Variants in CDH12 observed in about 807,000 individuals in gnomAD.
The protein encoded by CDH12 is cadherin-12.
Under a neutral mutation model 74.1 loss-of-function variants are expected in CDH12, and 41 were observed. That is an observed-to-expected ratio of 0.55 (90% confidence interval 0.43 to 0.72). CDH12 has a LOEUF of 0.72. CDH12 is among the 30% of genes least tolerant of loss of function. CDH12 has a pLI of 0.00. For missense variants in CDH12, 945 were observed against 977.2 expected (o/e 0.97, Z 0.44); for synonymous variants, 399 against 355.0 (o/e 1.12, Z -1.39).
rs145277092 is a variant in CDH12, at chr5:22,349,524, C to A, written c.-333+55733G>T. ...ATAATACTTACTCATAATTTTAATC[C>A]CCTCTTTCCCAATTCGGAATAACAT... On this transcript the variant is annotated intron_variant, in intron 3 of 14. Coordinates refer to ENST00000382254, the MANE Select transcript of CDH12 (RefSeq NM_004061.5). Among the ~76,000 whole-genome samples the A allele has an allele frequency of 3.3e-3, 495 of 151,936 alleles. 4 individuals carry two copies. Among genetic ancestry groups the A allele is most frequent in the African/African-American group, 0.011 (459 of 41,438 alleles).
chr5:22,792,662 G>A (rs1438955254), intron 1 of CDH12, among the ~76,000 whole-genome samples: 2 of 152,084 alleles, frequency 1.3e-5, no homozygotes, highest in African/African-American at 4.8e-5. Context: ...GGTAAAGTCT[G>A]GCTTTGTAAA....
chr5:22,072,723 C>T (rs989564137), intron 5 of CDH12, among the ~76,000 whole-genome samples: 8 of 151,976 alleles, frequency 5.3e-5, no homozygotes, highest in African/African-American at 9.7e-5. Flanking sequence ...TCCCTCCCCC[C>T]TCTCCCCACC....
intron 2 of CDH12, among the ~76,000 whole-genome samples, chr5:22,438,912 TAATGTC>T (rs950678372): frequency 1.1e-3 from 174 of 151,952 alleles, no homozygotes; most frequent in African/African-American, 4.0e-3. Flanking sequence ...ATCTTTAAAA[TAATGTC>T]AATGTGATAA....
intron 1 of CDH12, among the ~76,000 whole-genome samples, chr5:22,732,007 C>A (rs1406181580): frequency 6.6e-6 from 1 of 151,798 alleles, no homozygotes; most frequent in Non-Finnish European, 1.5e-5. Context: ...AAGGGTTGAA[C>A]TGTTTCTCCC....
At chr5:22,207,680 G>T (rs147380232) in intron 4 of CDH12, among the ~76,000 whole-genome samples, 8,539 of 152,164 alleles carry the variant, frequency 0.056, 267 homozygotes, top group Non-Finnish European at 0.062. Flanking sequence ...CTCTAAAATG[G>T]CTCCTAAGTT....
intron 2 of CDH12, among the ~76,000 whole-genome samples, chr5:22,463,722 T>G (rs1745612368): frequency 6.6e-6 from 1 of 152,302 alleles, no homozygotes; most frequent in Admixed American, 6.5e-5. Flanking sequence ...TTCATTAATT[T>G]ATGAAGTTAA....
chr5:22,810,281 T>C (rs1021470533), intron 1 of CDH12, among the ~76,000 whole-genome samples: 1 of 152,172 alleles, frequency 6.6e-6, no homozygotes, highest in African/African-American at 2.4e-5. Context: ...AAATCCACAC[T>C]AATTCTGAGT....
At chr5:21,864,129 A>ATGTGTG (rs56781565) in intron 6 of CDH12, among the ~76,000 whole-genome samples, 2,039 of 149,788 alleles carry the variant, frequency 0.014, 39 homozygotes, top group African/African-American at 0.046. Flanking sequence ...CAGAAAGAAT[A>ATGTGTG]TGTGTGTGTG....
chr5:21,778,756 C>A (rs371770875), intron 11 of CDH12, among the ~76,000 whole-genome samples: 1 of 151,892 alleles, frequency 6.6e-6, no homozygotes, highest in South Asian at 2.1e-4. Flanking sequence ...TTCTCCTAAC[C>A]CACAACAAAT....
In CDH12 at chr5:22,117,526, AT is replaced by A. The variant is rs1561129381; in HGVS notation, c.-186-38665del. ...AATATATATATAATATATATATAAT[AT>A]ATATATATATATATAGTGTGTGCGT... is the stretch of plus-strand genomic sequence containing the variant. On this transcript the variant is annotated intron_variant, in intron 4 of 14. Coordinates refer to ENST00000382254, the MANE Select transcript of CDH12 (RefSeq NM_004061.5). Among the ~76,000 whole-genome samples, 104 of 62,510 alleles carry A rather than the reference AT, an allele frequency of 1.7e-3. 3 individuals carry two copies. Among genetic ancestry groups the A allele is most frequent in the African/African-American group, 6.5e-3 (95 of 14,710 alleles). 41.0% of individuals were successfully genotyped at this position (62,510 alleles called of 152,430 possible). A position where few individuals can be genotyped will look rare whatever the true frequency, so the allele number is the denominator to read the frequency against.
chr5:21,939,212 C>T (rs1053548921), intron 6 of CDH12, among the ~76,000 whole-genome samples: 5 of 147,258 alleles, frequency 3.4e-5, no homozygotes, highest in Admixed American at 3.4e-4. Context: ...AAATATCATA[C>T]CTTCTATATA....
intron 3 of CDH12, among the ~76,000 whole-genome samples, chr5:22,357,553 A>G (rs1237761462): frequency 6.6e-6 from 1 of 152,178 alleles, no homozygotes; most frequent in Non-Finnish European, 1.5e-5. Context: ...CAACGTATTA[A>G]CATATTAGTC....
chr5:22,711,129 A>C (rs1020905091), intron 1 of CDH12, among the ~76,000 whole-genome samples: 7 of 152,188 alleles, frequency 4.6e-5, no homozygotes, highest in Admixed American at 4.6e-4. Flanking sequence ...CTAGAAAAAA[A>C]CAGTGAATGA....
At chr5:22,517,419 C>A (rs969807314) in intron 1 of CDH12, among the ~76,000 whole-genome samples, 1 of 152,004 alleles carries the variant, frequency 6.6e-6, no homozygotes, top group Non-Finnish European at 1.5e-5. Flanking sequence ...AAAGTTACAT[C>A]ATATTTACCT....
At chr5:22,261,724 GT>G (rs1753520254) in intron 3 of CDH12, among the ~76,000 whole-genome samples, 1 of 149,366 alleles carries the variant, frequency 6.7e-6, no homozygotes, top group Admixed American at 6.7e-5. Flanking sequence ...ATATTTAGTT[GT>G]TTTTAAATTT....
chr5:21,913,370 C>T (rs1014206208), intron 6 of CDH12, among the ~76,000 whole-genome samples: 1 of 152,016 alleles, frequency 6.6e-6, no homozygotes, highest in African/African-American at 2.4e-5. Flanking sequence ...ATTTACATTT[C>T]TTTCTTGTGA....
intron 1 of CDH12, among the ~76,000 whole-genome samples, chr5:22,787,160 C>A (rs989109318): frequency 6.6e-6 from 1 of 150,948 alleles, no homozygotes; most frequent in Non-Finnish European, 1.5e-5. Context: ...ACACACACAC[C>A]CCACAGCCAA....
chr5:22,655,085 G>A (rs556231491), intron 1 of CDH12, among the ~76,000 whole-genome samples: 1 of 152,220 alleles, frequency 6.6e-6, no homozygotes, highest in East Asian at 1.9e-4. Context: ...TTTATTTACT[G>A]GAACTTCCAT....
At chr5:22,473,978 T>G (rs1178129118) in intron 2 of CDH12, among the ~76,000 whole-genome samples, 3 of 152,132 alleles carry the variant, frequency 2.0e-5, no homozygotes, top group Non-Finnish European at 2.9e-5. Context: ...CCCAATGTGA[T>G]ACAACCATTA....
Sources: gnomAD v4.1 joint callset for allele counts (sites outside exome capture counted in the v4.1 genomes callset) on GRCh38, gnomAD v4.1.1 for gene constraint, MANE v1.5 for transcripts, NCBI Gene and HGNC (gene_info 2026-07-23, HGNC 2026-07-21) for gene names.